The following NFIA variants were observed in gnomAD, a reference collection of about 807,000 sequenced individuals.
NFIA encodes nuclear factor I A, also known as nuclear factor 1 A-type.
A neutral mutation model predicts 62.8 loss-of-function variants in NFIA; 8 were observed. The ratio of observed to expected loss-of-function variants is 0.13; its 90% CI spans 0.07 to 0.23. The LOEUF is 0.23. Ranked by LOEUF, NFIA falls within the 10% of genes least tolerant of loss-of-function variation. The pLI, the probability that NFIA is intolerant of heterozygous loss-of-function variation, is 1.00. For synonymous variants in NFIA, 235 were observed against 238.1 expected (o/e 0.99, Z 0.12); for missense variants, 410 against 642.1 (o/e 0.64, Z 3.91).
At chr1:61,443,815 C>G (rs574250155) in intron 10 of NFIA, among the ~76,000 whole-genome samples, 2 of 152,312 alleles carry the variant, frequency 1.3e-5, no homozygotes, top group East Asian at 3.9e-4. Flanking sequence ...GCTGCTTTCT[C>G]TGAACTCCTT....
intron 6 of NFIA, among the ~76,000 whole-genome samples, chr1:61,363,969 CAG>C (rs1663447544): frequency 7.1e-6 from 1 of 140,736 alleles, no homozygotes; most frequent in Non-Finnish European, 1.5e-5. Context: ...TTTTCTGAGA[CAG>C]AGTCTTGCTC....
intron 2 of NFIA, among the ~76,000 whole-genome samples, chr1:61,158,490 A>T (rs971056123): frequency 2.0e-5 from 3 of 152,238 alleles, no homozygotes; most frequent in Non-Finnish European, 4.4e-5. Flanking sequence ...ACTCATTCAG[A>T]TGCCTAGGAT....
intron 2 of NFIA, among the ~76,000 whole-genome samples, chr1:61,101,647 G>A (rs1646511073): frequency 6.6e-6 from 1 of 152,130 alleles, no homozygotes; most frequent in African/African-American, 2.4e-5. Context: ...CCAAGTCCCA[G>A]TAGCATAGCC....
At chr1:61,181,725 A>T (rs1359789583) in intron 2 of NFIA, among the ~76,000 whole-genome samples, 1 of 152,236 alleles carries the variant, frequency 6.6e-6, no homozygotes, top group African/African-American at 2.4e-5. Context: ...AAACCACCTC[A>T]TAATATTTCA....
At chr1:61,237,849 A>AGG (rs1322514550) in intron 2 of NFIA, among the ~76,000 whole-genome samples, 1 of 152,238 alleles carries the variant, frequency 6.6e-6, no homozygotes, top group African/African-American at 2.4e-5. Flanking sequence ...AGACTTAATT[A>AGG]GGGAACAGCT....
chr1:61,305,548 C>G (rs1474448795), intron 3 of NFIA, among the ~76,000 whole-genome samples: 2 of 152,180 alleles, frequency 1.3e-5, no homozygotes, highest in East Asian at 3.9e-4. Context: ...TCTGATACCC[C>G]CATGCAGTCC....
At chr1:61,443,514 ACT>A (rs757987078) in intron 10 of NFIA, among the ~76,000 whole-genome samples, 2 of 152,024 alleles carry the variant, frequency 1.3e-5, no homozygotes, top group African/African-American at 2.4e-5. Context: ...ATCACATGTC[ACT>A]CTGCAGGGAT....
chr1:61,087,604 T>G (rs1366648790), intron 1 of NFIA, among the ~76,000 whole-genome samples: 1 of 152,224 alleles, frequency 6.6e-6, no homozygotes, highest in Non-Finnish European at 1.5e-5. Context: ...CATATCAGAA[T>G]CTACATGCAA....
At chr1:61,386,782 T>C (rs551399710) in intron 7 of NFIA, among the ~76,000 whole-genome samples, 7 of 152,336 alleles carry the variant, frequency 4.6e-5, no homozygotes, top group Non-Finnish European at 8.8e-5. Flanking sequence ...GCGGTTGTCC[T>C]TGTCTGTTTT....
At chr1:61,410,093 G>A (rs938556580) in intron 9 of NFIA, among the ~76,000 whole-genome samples, 1 of 152,096 alleles carries the variant, frequency 6.6e-6, no homozygotes, top group Admixed American at 6.5e-5. Flanking sequence ...CAAGAAATGG[G>A]GATCTATTGA....
intron 2 of NFIA, among the ~76,000 whole-genome samples, chr1:61,177,718 T>G (rs1249509164): frequency 2.0e-5 from 3 of 151,466 alleles, no homozygotes; most frequent in Non-Finnish European, 4.4e-5. Context: ...AAGTCTCTCT[T>G]GATTTTCAGC....
intron 2 of NFIA, among the ~76,000 whole-genome samples, chr1:61,110,404 T>C (rs1646675535): frequency 6.6e-6 from 1 of 152,022 alleles, no homozygotes. Flanking sequence ...ACATAGAGAT[T>C]ATTTGGGAGA....
chr1:61,356,037 G>GA (rs1662935029), intron 5 of NFIA, among the ~76,000 whole-genome samples: 1 of 152,180 alleles, frequency 6.6e-6, no homozygotes, highest in African/African-American at 2.4e-5. Context: ...TAAAAACTCA[G>GA]AAAAGTATCA....
rs189027078 is a variant in NFIA, at chr1:61,426,380, C to T, written c.1421-85C>T. ...ACATTTCCTTGTTAATCAGCTGCGTCGGCTCGGAGACTGTGTGTTTTGGTG... is the reference window on the plus strand; with the variant it reads ...ACATTTCCTTGTTAATCAGCTGCGTTGGCTCGGAGACTGTGTGTTTTGGTG... On this transcript the variant is annotated intron_variant, in intron 9 of 10. Transcript: ENST00000403491. 107 of 895,460 alleles carry T rather than the reference C, an allele frequency of 1.2e-4. No individual in the cohort carries two copies. The East Asian group carries it at 2.5e-3, about 21-fold the overall frequency. The allele number at this position is 895,460 out of a possible 1,614,324, so 55.5% of individuals were successfully genotyped here. A position where few individuals can be genotyped will look rare whatever the true frequency, so the allele number is the denominator to read the frequency against.
At chr1:61,086,600 CAG>C (rs1185217926) in intron 1 of NFIA, among the ~76,000 whole-genome samples, 1 of 151,784 alleles carries the variant, frequency 6.6e-6, no homozygotes, top group Non-Finnish European at 1.5e-5. Flanking sequence ...GAAATTTGTG[CAG>C]AGAGGAAAAA....
chr1:61,291,321 G>A (rs576154967), intron 3 of NFIA, among the ~76,000 whole-genome samples: 16 of 152,274 alleles, frequency 1.1e-4, no homozygotes, highest in Admixed American at 7.2e-4. Context: ...GACTCAGGTG[G>A]TACTTCTGTA....
chr1:61,237,967 A>T (rs1475126242), intron 2 of NFIA, among the ~76,000 whole-genome samples: 1 of 152,202 alleles, frequency 6.6e-6, no homozygotes, highest in Non-Finnish European at 1.5e-5. Flanking sequence ...CTCTAAATTT[A>T]ATAGTAAAAT....
At chr1:61,161,715 A>G (rs1367925766) in intron 2 of NFIA, among the ~76,000 whole-genome samples, 1 of 152,096 alleles carries the variant, frequency 6.6e-6, no homozygotes, top group Admixed American at 6.6e-5. Flanking sequence ...TTATGTGTGT[A>G]TGTGTATCCG....
chr1:61,434,309 C>T (rs1034893948), intron 10 of NFIA, among the ~76,000 whole-genome samples: 2 of 152,104 alleles, frequency 1.3e-5, no homozygotes, highest in African/African-American at 4.8e-5. Flanking sequence ...AGCAACACCT[C>T]GCAGAGATGA....
Sources: allele counts gnomAD v4.1 joint callset (sites outside exome capture counted in the v4.1 genomes callset), GRCh38; gene constraint gnomAD v4.1.1; transcripts MANE v1.5; gene names NCBI Gene and HGNC (gene_info 2026-07-23, HGNC 2026-07-21).